RBFOX1: variants seen among roughly 807,000 people sequenced by gnomAD.
RBFOX1 encodes the protein RNA binding protein fox-1 homolog 1.
RBFOX1 carries 8 observed loss-of-function variants against 57.7 expected under a neutral mutation model. The observed-to-expected ratio is 0.14, with a 90% CI of 0.08 to 0.25. The LOEUF is 0.25. Among genes scored for constraint, RBFOX1 ranks in the 10% least tolerant of loss-of-function variants. RBFOX1 has a pLI of 1.00. For missense variants in RBFOX1, 611 were observed against 548.5 expected (o/e 1.11, Z -1.14); for synonymous variants, 326 against 222.4 (o/e 1.47, Z -4.15).
chr16:6,116,772 T>G (rs1014901599), intron 1 of RBFOX1, among the ~76,000 whole-genome samples: 1 of 152,122 alleles, frequency 6.6e-6, no homozygotes, highest in Non-Finnish European at 1.5e-5. Context: ...AGAACTCCCG[T>G]GAATAAGATA....
intron 3 of RBFOX1, among the ~76,000 whole-genome samples, chr16:6,859,111 G>GTGTA (rs1383584385): frequency 3.2e-4 from 21 of 65,124 alleles, no homozygotes; most frequent in African/African-American, 1.3e-3. Flanking sequence ...TAAAAAAAGT[G>GTGTA]TATATATATA....
intron 3 of RBFOX1, among the ~76,000 whole-genome samples, chr16:6,680,496 C>G (rs188151385): frequency 2.6e-5 from 4 of 152,232 alleles, no homozygotes; most frequent in East Asian, 1.9e-4. Context: ...ATCTCCTGAC[C>G]TCATGATCCG....
At chr16:7,426,259 T>G (rs2149469012) in intron 4 of RBFOX1, among the ~76,000 whole-genome samples, 1 of 152,284 alleles carries the variant, frequency 6.6e-6, no homozygotes. Context: ...TGCTTGACAG[T>G]GATCCTGGCA....
At chr16:5,709,129 A>G (rs1389439241) in intron 3 of RBFOX1, among the ~76,000 whole-genome samples, 9 of 152,296 alleles carry the variant, frequency 5.9e-5, no homozygotes, top group South Asian at 2.1e-4. Context: ...GTCTCTTGCA[A>G]TCCAAAAACA....
chr16:7,330,109 A>G (rs2096664743), intron 4 of RBFOX1, among the ~76,000 whole-genome samples: 1 of 152,144 alleles, frequency 6.6e-6, no homozygotes, highest in Non-Finnish European at 1.5e-5. Context: ...ATGGCCTGAA[A>G]TGCCATTATA....
chr16:6,560,675 T>C (rs1375997344), intron 2 of RBFOX1, among the ~76,000 whole-genome samples: 1 of 152,172 alleles, frequency 6.6e-6, no homozygotes, highest in Non-Finnish European at 1.5e-5. Flanking sequence ...ACATTTCAAA[T>C]GAATAATTTG....
chr16:6,527,758 C>A (rs1420992311), intron 2 of RBFOX1, among the ~76,000 whole-genome samples: 1 of 152,052 alleles, frequency 6.6e-6, no homozygotes, highest in East Asian at 1.9e-4. Flanking sequence ...TTGTCTCTCA[C>A]CTTGTGGGCG....
At chr16:5,821,540 T>C (rs112712119) in intron 3 of RBFOX1, among the ~76,000 whole-genome samples, 1,664 of 152,264 alleles carry the variant, frequency 0.011, 33 homozygotes, top group African/African-American at 0.038. Context: ...TGGGATCAAG[T>C]GATCCTCCTG....
At chr16:6,310,820 C>T (rs1270982907) in intron 1 of RBFOX1, among the ~76,000 whole-genome samples, 1 of 151,028 alleles carries the variant, frequency 6.6e-6, no homozygotes, top group African/African-American at 2.4e-5. Context: ...GAGTGGGGAA[C>T]ATGGCATGAT....
chr16:6,381,256 G>A (rs2091784877), intron 2 of RBFOX1, among the ~76,000 whole-genome samples: 1 of 152,148 alleles, frequency 6.6e-6, no homozygotes, highest in Non-Finnish European at 1.5e-5. Context: ...TGAGGTCTAA[G>A]CATTTAGTGT....
chr16:5,997,573 A>C (rs1470687437), intron 4 of RBFOX1, among the ~76,000 whole-genome samples: 1 of 152,226 alleles, frequency 6.6e-6, no homozygotes, highest in Non-Finnish European at 1.5e-5. Flanking sequence ...AAGAATCACC[A>C]AATCTCTAGA....
intron 2 of RBFOX1, among the ~76,000 whole-genome samples, chr16:6,407,594 A>AGAGAGAGAG (rs369941718): frequency 1.3e-5 from 2 of 149,200 alleles, no homozygotes; most frequent in African/African-American, 5.0e-5. Context: ...AGAGAGAGAG[A>AGAGAGAGAG]AGTACATTCT....
At chr16:5,809,687 G>A (rs1330510388) in intron 3 of RBFOX1, among the ~76,000 whole-genome samples, 1 of 152,196 alleles carries the variant, frequency 6.6e-6, no homozygotes, top group South Asian at 2.1e-4. Flanking sequence ...AGGTGCTGGA[G>A]AGGATGTGGA....
chr16:5,777,288 A>T (rs145457789), intron 3 of RBFOX1, among the ~76,000 whole-genome samples: 1 of 152,164 alleles, frequency 6.6e-6, no homozygotes, highest in African/African-American at 2.4e-5. Flanking sequence ...GCAACAGATA[A>T]TCTTCAAGTC....
rs8060171 is a variant in RBFOX1, at chr16:6,339,352, A to C, written c.-64+22295A>C. On this transcript the variant is annotated intron_variant, in intron 2 of 15. Transcript: ENST00000550418. Reference sequence around the variant, plus strand: ...GGTTTGTTGCCTGATGTGTGCAGCAAGTCAATAGGAGACACTGGGTTACAG... The same window carrying C: ...GGTTTGTTGCCTGATGTGTGCAGCACGTCAATAGGAGACACTGGGTTACAG... Among the ~76,000 whole-genome samples the C allele has an allele frequency of 7.6e-3, 1,153 of 152,306 alleles. 17 individuals carry two copies. Among genetic ancestry groups the C allele is most frequent in the African/African-American group, 0.026 (1,088 of 41,570 alleles).
chr16:6,504,987 C>T (rs151096892), intron 2 of RBFOX1, among the ~76,000 whole-genome samples: 115 of 152,140 alleles, frequency 7.6e-4, no homozygotes, highest in African/African-American at 2.6e-3. Context: ...GCAAGAGAAT[C>T]GCTTGAACCC....
chr16:5,856,206 T>TATATAC (rs1159874642), intron 3 of RBFOX1, among the ~76,000 whole-genome samples: 27 of 40,508 alleles, frequency 6.7e-4, no homozygotes, highest in South Asian at 2.6e-3. Flanking sequence ...TATATATATA[T>TATATAC]ACATATATAT....
intron 4 of RBFOX1, among the ~76,000 whole-genome samples, chr16:7,126,842 A>C (rs1444617438): frequency 6.6e-6 from 1 of 151,806 alleles, no homozygotes; most frequent in Admixed American, 6.6e-5. Context: ...CCTCATCTCT[A>C]CTAAACATAC....
chr16:5,459,910 C>T (rs917577183), intron 1 of RBFOX1, among the ~76,000 whole-genome samples: 1 of 152,146 alleles, frequency 6.6e-6, no homozygotes, highest in Non-Finnish European at 1.5e-5. Flanking sequence ...TTAATCTTCA[C>T]TGCCTCTCCG....
Sources: allele counts gnomAD v4.1 joint callset (sites outside exome capture counted in the v4.1 genomes callset), GRCh38; gene constraint gnomAD v4.1.1; transcripts MANE v1.5; gene names NCBI Gene and HGNC (gene_info 2026-07-23, HGNC 2026-07-21).